The following POU5F1B variants were observed in gnomAD, a reference collection of about 807,000 sequenced individuals.
POU5F1B encodes the protein POU domain, class 5, transcription factor 1B.
Under a neutral mutation model 28.1 loss-of-function variants are expected in POU5F1B, and 24 were observed. The observed-to-expected ratio is 0.85, with a 90% CI of 0.62 to 1.20. The LOEUF (loss-of-function observed/expected upper bound fraction) is 1.20, where lower values mean the gene tolerates loss of function less well. POU5F1B is among the 50% of genes most tolerant of loss of function. The pLI is 0.00. For synonymous variants in POU5F1B, 220 were observed against 193.2 expected, an observed-to-expected ratio of 1.14 and a Z score of -1.15; for missense variants, 451 against 451.5, an observed-to-expected ratio of 1.00 and a Z score of 0.01.
At position 127,416,063 on chromosome 8, in the gene POU5F1B, CG is replaced by C. The variant is rs1472531340; in HGVS notation, c.198del (p.Tyr67MetfsTer18). ...TGGGGGATTCCCCCTTGCCCCCCGC[CG>C]TATGAGTTATGTGGGGGGATGGCGT... is the stretch of plus-strand genomic sequence containing the variant. On this transcript the variant is annotated frameshift_variant, in exon 3 of 3. Transcript: ENST00000465342. LOFTEE classifies it high-confidence loss of function. 6.2e-7 allele frequency: 1 copy of C among 1,611,618 alleles called. No homozygotes were observed. The highest frequency in any genetic ancestry group is 1.3e-5 in the African/African-American group (1 of 74,974).
chr8:127,413,532 G>A (rs1454079586), intron 1 of POU5F1B, among the ~76,000 whole-genome samples: 3 of 152,118 alleles, frequency 2.0e-5, no homozygotes, highest in African/African-American at 7.2e-5. Context: ...TAAACACAAA[G>A]ACTTAGTTAG....
At chr8:127,413,858 A>G (rs75170146) in intron 1 of POU5F1B, among the ~76,000 whole-genome samples, 3 of 18,844 alleles carry the variant, frequency 1.6e-4, no homozygotes, top group African/African-American at 5.2e-4. Flanking sequence ...AAAAGGTGGT[A>G]CACACACACA....
At chr8:127,414,216 C>A (rs1417828685) in intron 1 of POU5F1B, among the ~76,000 whole-genome samples, 1 of 152,172 alleles carries the variant, frequency 6.6e-6, no homozygotes, top group Non-Finnish European at 1.5e-5. Flanking sequence ...AACTCATATC[C>A]CAATTCTGGA....
rs754885540 is a variant in POU5F1B, at chr8:127,416,189, A to G, written c.323A>G (p.Asn108Ser). ...GGAGTCGGGGTGGAGAGCAACTCCAATGGGGCCTCCCCGGAACCCTGCACC... is the reference window on the plus strand; with the variant it reads ...GGAGTCGGGGTGGAGAGCAACTCCAGTGGGGCCTCCCCGGAACCCTGCACC... Residue 108 changes from asparagine (N) to serine (S), a missense_variant, in exon 3 of 3, where the codon AAT (asparagine) becomes AGT (serine). Physicochemically the swap from Asn to Ser is conservative, Grantham distance 46 (BLOSUM62 1). This residue lies in a region of POU5F1B where 233 missense variants were observed against 210.7 expected (regional missense o/e 1.11). Transcript: ENST00000465342. The G allele has an allele frequency of 2.0e-5, 32 of 1,613,732 alleles. No individual in the cohort carries two copies. The highest frequency in any genetic ancestry group is 5.3e-5 in the African/African-American group (4 of 74,926).
Position 127,415,907 on chromosome 8 carries a change from C to T in POU5F1B, c.41C>T (p.Pro14Leu), listed in dbSNP as rs1253465586. The T allele has an allele frequency of 5.2e-6, 8 of 1,545,672 alleles. No homozygotes were observed. The East Asian group carries it at 1.2e-4, about 23-fold the overall frequency. ...GCTTCGGATTTCGCCTTCTCGCCCC[C>T]TCCAGGCGGTGGGGGTGATGGGCCA... The change falls in exon 3 of 3, where the codon CCT becomes CTT. Residue 14 changes from proline (P) to leucine (L), a missense_variant. Physicochemically the swap from Pro to Leu is moderately conservative, Grantham distance 98. Transcript: ENST00000465342.
chr8:127,413,649 T>C (rs1815091802), intron 1 of POU5F1B, among the ~76,000 whole-genome samples: 1 of 152,190 alleles, frequency 6.6e-6, no homozygotes, highest in African/African-American at 2.4e-5. Flanking sequence ...TCTGAACAGA[T>C]TAAATAAAGC....
chr8:127,413,955 G>A (rs539197282), intron 1 of POU5F1B, among the ~76,000 whole-genome samples: 1 of 152,066 alleles, frequency 6.6e-6, no homozygotes, highest in African/African-American at 2.4e-5. Context: ...AGAAGTTAAT[G>A]ATAAAATGAT....
intron 1 of POU5F1B, among the ~76,000 whole-genome samples, chr8:127,414,034 C>A (rs893380933): frequency 6.6e-6 from 1 of 152,150 alleles, no homozygotes; most frequent in Non-Finnish European, 1.5e-5. Flanking sequence ...AACCTCACAA[C>A]AGAATTGAGC....
chr8:127,413,809 A>T (rs1023250149), intron 1 of POU5F1B, among the ~76,000 whole-genome samples: 1 of 152,108 alleles, frequency 6.6e-6, no homozygotes, highest in Non-Finnish European at 1.5e-5. Context: ...GAAATAAATA[A>T]TCTAAGTAAC....
rs371237720 is a variant in POU5F1B at position 127,416,977 on chromosome 8, G to C, written c.*31G>C. 9 of 1,586,664 alleles carry C rather than the reference G, an allele frequency of 5.7e-6. No homozygotes were observed. The African/African-American group carries it at 8.0e-5, about 14-fold the overall frequency. On this transcript the variant is annotated 3_prime_UTR_variant, in exon 3 of 3. Transcript: ENST00000465342. ...CTGCCCTTCTAGGAATGGGGAACAG[G>C]GGAGGGGAGGAGCTAGGGAAAGAGA...
At chr8:127,415,084 T>TC (rs1486254111) in intron 2 of POU5F1B, 1 of 152,210 alleles carries the variant, frequency 6.6e-6, no homozygotes, top group African/African-American at 2.4e-5. Context: ...GATGACAACA[T>TC]CCCCTGCTCT....
intron 1 of POU5F1B, chr8:127,414,788 C>G (rs1233642034): frequency 6.6e-6 from 1 of 152,214 alleles, no homozygotes; most frequent in East Asian, 1.9e-4. Context: ...GAATGTGACT[C>G]ACTTCTAATG....
exon 3 of POU5F1B, chr8:127,416,842 A>G: frequency 1.2e-6 from 2 of 1,603,252 alleles, no homozygotes; most frequent in Non-Finnish European, 1.7e-6. Context: ...AGGCTATGGG[A>G]GCCCTCACTT....
At chr8:127,415,781 C>G in exon 3 of POU5F1B, 1 of 1,448,800 alleles carries the variant, frequency 6.9e-7, no homozygotes, top group Non-Finnish European at 9.1e-7. Context: ...ATGACACACA[C>G]AGCCATACGG....
chr8:127,416,546 T>G, exon 3 of POU5F1B: 1 of 1,608,336 alleles, frequency 6.2e-7, no homozygotes, highest in Non-Finnish European at 8.5e-7. Context: ...GAAACCCTCA[T>G]GCAGGCCCGA....
chr8:127,414,398 G>A (rs1815101194), intron 1 of POU5F1B, among the ~76,000 whole-genome samples: 1 of 152,180 alleles, frequency 6.6e-6, no homozygotes, highest in Non-Finnish European at 1.5e-5. Flanking sequence ...GAGGTAGAGA[G>A]GGGAGAAGAG....
Position 127,416,034 on chromosome 8 carries a change from G to T in POU5F1B, c.168G>T (p.Glu56Asp). 6.2e-7 allele frequency: 1 copy of T among 1,605,688 alleles called. No individual in the cohort carries two copies. Among genetic ancestry groups the T allele is most frequent in the Non-Finnish European group, 8.5e-7 (1 of 1,176,648 alleles). ...GGCCGGGGGTTGGGCCAGGCTCTGA[G>T]GTGTGGGGGATTCCCCCTTGCCCCC... Residue 56 changes from glutamate (E) to aspartate (D), a missense_variant, in exon 3 of 3, where the codon GAG becomes GAT. Around this residue, in one of 3 missense-constraint regions of POU5F1B, gnomAD observed 233 missense variants for 210.7 expected, o/e 1.11. Transcript: ENST00000465342.
intron 1 of POU5F1B, among the ~76,000 whole-genome samples, chr8:127,414,663 G>A (rs1208506131): frequency 6.6e-6 from 1 of 152,158 alleles, no homozygotes; most frequent in Non-Finnish European, 1.5e-5. Flanking sequence ...TCCAATATTT[G>A]AGTGGCAGAG....
At position 127,417,018 on chromosome 8, in the gene POU5F1B, C is replaced by T. The variant is rs1290361391; in HGVS notation, c.*72C>T. ...GGGAAAGAGAACCTGGAGTTTGTGG[C>T]AGGGCTTTTGGGATTAAGTTCTTCA... is the stretch of plus-strand genomic sequence containing the variant. On this transcript the variant is annotated 3_prime_UTR_variant, in exon 3 of 3. Transcript: ENST00000465342. 3 of 1,551,610 alleles carry T rather than the reference C, an allele frequency of 1.9e-6. No individual in the cohort carries two copies. In the Admixed American group the frequency reaches 5.9e-5, roughly 30 times the overall value.
Sources: allele counts gnomAD v4.1 joint callset (sites outside exome capture counted in the v4.1 genomes callset), GRCh38; gene constraint gnomAD v4.1.1; regional missense constraint gnomAD v4.1.1; transcripts MANE v1.5; gene names NCBI Gene and HGNC (gene_info 2026-07-23, HGNC 2026-07-21).